GRIK2: variants seen among roughly 807,000 people sequenced by gnomAD.
GRIK2 encodes the protein glutamate ionotropic receptor kainate type subunit 2.
A neutral mutation model predicts 100.3 loss-of-function variants in GRIK2; 32 were observed. The ratio of observed to expected loss-of-function variants is 0.32; its 90% CI spans 0.24 to 0.43. The LOEUF is 0.43. GRIK2 is among the 20% of genes least tolerant of loss of function. The probability of loss-of-function intolerance (pLI) is 1.00; values close to 1 mark genes in which losing one functional copy is unlikely to be tolerated. For synonymous variants in GRIK2, 417 were observed against 389.4 expected, an observed-to-expected ratio of 1.07 and a Z score of -0.83; for missense variants, 843 against 1,114.9, an observed-to-expected ratio of 0.76 and a Z score of 3.47.
chr6:101,976,065 A>G (rs2252825), intron 14 of GRIK2, among the ~76,000 whole-genome samples: 119,719 of 151,630 alleles, frequency 0.79, 47,403 homozygotes, highest in South Asian at 0.82. Flanking sequence ...TCATTGTATT[A>G]GAAGGAGAGG....
rs148752886 is a variant in GRIK2, at chr6:101,981,714, C to T, written c.2085+53082C>T. Among the ~76,000 whole-genome samples, 853 of 151,602 alleles carry T rather than the reference C, an allele frequency of 5.6e-3. 8 individuals are homozygous for T. Among genetic ancestry groups the T allele is most frequent in the African/African-American group, 0.02 (814 of 41,404 alleles). On this transcript the variant is annotated intron_variant, in intron 14 of 16. Coordinates refer to ENST00000369134, the MANE Select transcript of GRIK2 (RefSeq NM_021956.5). ...CAGAGCATCTATTATTTGAACAAGG[C>T]CTTGCATGAGAGAAAAGTTTTTAAG...
At chr6:101,986,423 T>C (rs1354546122) in intron 14 of GRIK2, among the ~76,000 whole-genome samples, 1 of 151,894 alleles carries the variant, frequency 6.6e-6, no homozygotes, top group East Asian at 1.9e-4. Context: ...TTACTTTACC[T>C]GAGCTAGCCA....
At chr6:101,420,693 A>G (rs918919452) in intron 2 of GRIK2, among the ~76,000 whole-genome samples, 3 of 152,198 alleles carry the variant, frequency 2.0e-5, no homozygotes, top group Non-Finnish European at 4.4e-5. Flanking sequence ...ACTCTGTGTC[A>G]GGTGCTGTGT....
chr6:101,528,538 G>A (rs369358003), intron 2 of GRIK2, among the ~76,000 whole-genome samples: 17 of 151,960 alleles, frequency 1.1e-4, no homozygotes, highest in African/African-American at 3.1e-4. Flanking sequence ...ATTTTCTGAT[G>A]TTCCTGAGCC....
chr6:101,797,693 T>TA lies in GRIK2; in HGVS notation c.952-1954dup, dbSNP rs397771398. The stretch of plus-strand genomic sequence containing the variant: ...ATAATAAACCATTATATATTTTTTT[T>TA]ATGTATATATTACATATAATAGTTT... On this transcript the variant is annotated intron_variant, in intron 7 of 16. Transcript: ENST00000369134. Among the ~76,000 whole-genome samples the TA allele has an allele frequency of 5.4e-5, 8 of 146,924 alleles. No individual in the cohort carries two copies. In the South Asian group the frequency reaches 1.1e-3, roughly 19 times the overall value.
At chr6:101,714,964 TAAG>T (rs1773962801) in intron 7 of GRIK2, among the ~76,000 whole-genome samples, 1 of 151,720 alleles carries the variant, frequency 6.6e-6, no homozygotes, top group African/African-American at 2.4e-5. Flanking sequence ...AAATTAATAT[TAAG>T]AGAGAATTTG....
chr6:101,663,067 A>T (rs1038494349), intron 4 of GRIK2, among the ~76,000 whole-genome samples: 1 of 152,152 alleles, frequency 6.6e-6, no homozygotes, highest in South Asian at 2.1e-4. Flanking sequence ...TGGCATTCCC[A>T]CCAGGACATA....
chr6:102,043,784 T>TTGA (rs759198208), intron 15 of GRIK2, among the ~76,000 whole-genome samples: 1 of 65,260 alleles, frequency 1.5e-5, no homozygotes, highest in Non-Finnish European at 4.1e-5. Flanking sequence ...AGAAGTAAAA[T>TTGA]TGATGGATCT....
At chr6:102,009,504 A>C (rs1041845083) in intron 14 of GRIK2, among the ~76,000 whole-genome samples, 5 of 152,152 alleles carry the variant, frequency 3.3e-5, no homozygotes, top group African/African-American at 1.2e-4. Context: ...CCTTCAACAG[A>C]AACTGTTAAA....
intron 10 of GRIK2, among the ~76,000 whole-genome samples, chr6:101,843,994 C>A (rs924112730): frequency 2.0e-5 from 3 of 151,866 alleles, no homozygotes; most frequent in African/African-American, 2.4e-5. Context: ...TGACATAGAA[C>A]AACACCTGGA....
At chr6:102,017,557 T>C (rs1769182999) in intron 14 of GRIK2, among the ~76,000 whole-genome samples, 1 of 152,176 alleles carries the variant, frequency 6.6e-6, no homozygotes, top group South Asian at 2.1e-4. Flanking sequence ...GATATGTAGT[T>C]TGATATCTGA....
In GRIK2 at chr6:101,909,371, G is replaced by GTTTTTTTTTTT. The variant is rs370241149; in HGVS notation, c.1749-15226_1749-15225insTTTTTTTTTTT. On this transcript the variant is annotated intron_variant, in intron 12 of 16. Transcript: ENST00000369134. ...TTTTTGGATGCTGAAGGAAGATAGGGTTTTCTTTTTCTTTTTTTTTTTTTT... is the reference window on the plus strand; with the variant it reads ...TTTTTGGATGCTGAAGGAAGATAGGGTTTTTTTTTTTTTTTCTTTTTCTTTTTTTTTTTTTT... Among the ~76,000 whole-genome samples the GTTTTTTTTTTT allele has an allele frequency of 5.8e-3, 487 of 83,416 alleles. 92 individuals are homozygous for GTTTTTTTTTTT. Among genetic ancestry groups the GTTTTTTTTTTT allele is most frequent in the Middle Eastern group, 0.019 (2 of 104 alleles). 54.7% of individuals were successfully genotyped at this position (83,416 alleles called of 152,430 possible).
At chr6:101,465,362 C>T (rs2788278) in intron 2 of GRIK2, among the ~76,000 whole-genome samples, 17,705 of 152,152 alleles carry the variant, frequency 0.12, 1,276 homozygotes, top group Non-Finnish European at 0.16. Context: ...CAAGTGAGAA[C>T]GTGGTATTTC....
At position 101,715,278 on chromosome 6, in the gene GRIK2, A is replaced by G. The variant is rs150445015; in HGVS notation, c.951+28925A>G. 1.7e-3 allele frequency among the ~76,000 whole-genome samples: 251 copies of G among 151,884 alleles called. 2 individuals are homozygous for G. The highest frequency in any genetic ancestry group is 5.9e-3 in the African/African-American group (246 of 41,508). ...TATGACCCCACATAAACAGTCCTGA[A>G]GACAAATAATGTCATTCAGGATGCT... On this transcript the variant is annotated intron_variant, in intron 7 of 16. Transcript: ENST00000369134.
intron 7 of GRIK2, among the ~76,000 whole-genome samples, chr6:101,777,171 G>C (rs2128400232): frequency 6.6e-6 from 1 of 152,322 alleles, no homozygotes; most frequent in South Asian, 2.1e-4. Flanking sequence ...GTGTAACTGG[G>C]AGAATTGTCT....
chr6:102,042,062 T>TATC (rs1288027503), intron 15 of GRIK2, among the ~76,000 whole-genome samples: 1 of 151,674 alleles, frequency 6.6e-6, no homozygotes, highest in African/African-American at 2.4e-5. Flanking sequence ...GAGTGATTGA[T>TATC]ATCTACTATA....
chr6:101,867,263 G>A (rs566559274), intron 11 of GRIK2, among the ~76,000 whole-genome samples: 2 of 151,904 alleles, frequency 1.3e-5, no homozygotes, highest in South Asian at 4.2e-4. Context: ...TTGTAAAAAA[G>A]CAACTTGAAA....
At chr6:101,502,931 G>C (rs897787660) in intron 2 of GRIK2, among the ~76,000 whole-genome samples, 1 of 152,066 alleles carries the variant, frequency 6.6e-6, no homozygotes, top group Non-Finnish European at 1.5e-5. Flanking sequence ...AGCTGCATTT[G>C]CCATCTCCCT....
intron 12 of GRIK2, among the ~76,000 whole-genome samples, chr6:101,896,149 AC>A (rs2128459727): frequency 6.6e-6 from 1 of 151,870 alleles, no homozygotes; most frequent in East Asian, 1.9e-4. Flanking sequence ...GGAGTCACCA[AC>A]CCAGAAAAAA....
Sources: gnomAD v4.1 joint callset for allele counts (sites outside exome capture counted in the v4.1 genomes callset) on GRCh38, gnomAD v4.1.1 for gene constraint, MANE v1.5 for transcripts, NCBI Gene and HGNC (gene_info 2026-07-23, HGNC 2026-07-21) for gene names.